Variants in MYO1B observed in about 807,000 individuals in gnomAD.
The protein encoded by MYO1B is unconventional myosin-Ib.
Under a neutral mutation model 159.7 loss-of-function variants are expected in MYO1B, and 72 were observed. The observed-to-expected ratio is 0.45, with a 90% CI of 0.37 to 0.55. MYO1B has a LOEUF of 0.55. MYO1B is among the 20% of genes least tolerant of loss of function. The probability of loss-of-function intolerance (pLI) is 0.00; values close to 1 mark genes in which losing one functional copy is unlikely to be tolerated. For synonymous variants in MYO1B, 468 were observed against 473.8 expected, an observed-to-expected ratio of 0.99 and a Z score of 0.16; for missense variants, 1,062 against 1,364.8, an observed-to-expected ratio of 0.78 and a Z score of 3.50.
intron 3 of MYO1B, among the ~76,000 whole-genome samples, chr2:191,299,137 G>A (rs1203380603): frequency 1.3e-5 from 2 of 151,292 alleles, no homozygotes; most frequent in Non-Finnish European, 3.0e-5. Context: ...GGTCATAGAA[G>A]TTCATGCTCC....
intron 1 of MYO1B, among the ~76,000 whole-genome samples, chr2:191,265,388 C>T (rs1363988276): frequency 6.6e-6 from 1 of 151,966 alleles, no homozygotes; most frequent in Non-Finnish European, 1.5e-5. Context: ...TTGCATGATC[C>T]GATCAGGCAT....
Position 191,423,281 on chromosome 2 carries a change from A to G in MYO1B, c.3288-556A>G, listed in dbSNP as rs538972067. Among the ~76,000 whole-genome samples, 9 of 152,354 alleles carry G rather than the reference A, an allele frequency of 5.9e-5. No homozygotes were observed. The East Asian group carries it at 9.6e-4, about 16-fold the overall frequency. On this transcript the variant is annotated intron_variant, in intron 30 of 30. Coordinates refer to ENST00000392318, the MANE Select transcript of MYO1B (RefSeq NM_001130158.3). ...AGCATGTTACTGTACTGCATACTGT[A>G]GGCAATTGTAACACAATGGTAAATA...
chr2:191,397,412 TTCAAGCA>T (rs1480506569), intron 21 of MYO1B, among the ~76,000 whole-genome samples: 1 of 150,718 alleles, frequency 6.6e-6, no homozygotes, highest in African/African-American at 2.4e-5. Flanking sequence ...GCATGCTGAC[TTCAAGCA>T]TCTGTTTAAC....
intron 2 of MYO1B, among the ~76,000 whole-genome samples, chr2:191,277,953 AAG>A (rs1218031738): frequency 1.3e-5 from 2 of 152,234 alleles, no homozygotes; most frequent in Non-Finnish European, 2.9e-5. Flanking sequence ...AAATAAATAA[AAG>A]AGATAATACA....
At chr2:191,345,132 A>G (rs1451469435) in intron 5 of MYO1B, among the ~76,000 whole-genome samples, 1 of 152,148 alleles carries the variant, frequency 6.6e-6, no homozygotes, top group Non-Finnish European at 1.5e-5. Context: ...CACATTATTC[A>G]TTCTAGCTGC....
intron 1 of MYO1B, among the ~76,000 whole-genome samples, chr2:191,268,725 A>G (rs1448121143): frequency 1.3e-5 from 2 of 152,158 alleles, no homozygotes; most frequent in East Asian, 3.9e-4. Flanking sequence ...GTTCACCCGC[A>G]TGATAGCTGT....
chr2:191,385,791 C>CT, intron 15 of MYO1B, 93 bp from the exon 16 acceptor site: 2 of 1,312,570 alleles, frequency 1.5e-6, no homozygotes, highest in Non-Finnish European at 2.1e-6. Context: ...TTTCTTGTGA[C>CT]TAAGTTGATT....
chr2:191,315,190 T>C (rs972022514), intron 3 of MYO1B, among the ~76,000 whole-genome samples: 16 of 142,008 alleles, frequency 1.1e-4, no homozygotes, highest in Admixed American at 5.0e-4. Flanking sequence ...CATCCATCCA[T>C]CCACCCATCC....
chr2:191,336,900 A>G (rs1426786546), intron 4 of MYO1B, among the ~76,000 whole-genome samples: 1 of 149,396 alleles, frequency 6.7e-6, no homozygotes, highest in Non-Finnish European at 1.5e-5. Context: ...AAAGAAGGAG[A>G]TAAATAAATG....
At chr2:191,277,073 T>G (rs1465795184) in intron 2 of MYO1B, 43 bp downstream of exon 2, 1 of 1,590,062 alleles carries the variant, frequency 6.3e-7, no homozygotes, top group East Asian at 2.2e-5. Flanking sequence ...AGACTTTGTA[T>G]TTTGTGCCAG....
At position 191,364,262 on chromosome 2, in the gene MYO1B, C is replaced by T; in HGVS notation, c.1018C>T (p.Leu340=). The T allele has an allele frequency of 2.5e-6, 4 of 1,612,814 alleles. No individual in the cohort carries two copies. The highest frequency in any genetic ancestry group is 3.4e-6 in the Non-Finnish European group (4 of 1,178,872). ...EAKQEKVSTT[L]NVAQAYYARD... ...CAAACAGGAGAAAGTTTCAACTACACTGAATGTGGCTCAGGTGGGTGAAAC... is the reference window on the plus strand; with the variant it reads ...CAAACAGGAGAAAGTTTCAACTACATTGAATGTGGCTCAGGTGGGTGAAAC... The change falls in exon 11 of 31, where the codon CTG becomes TTG. Residue 340 remains leucine (L), a synonymous_variant. Transcript: ENST00000392318.
At chr2:191,312,293 T>C (rs1690051352) in intron 3 of MYO1B, among the ~76,000 whole-genome samples, 1 of 152,220 alleles carries the variant, frequency 6.6e-6, no homozygotes, top group Admixed American at 6.5e-5. Flanking sequence ...CACTGTTTGC[T>C]TCATTTCTCC....
chr2:191,307,944 C>G (rs1252137461), intron 3 of MYO1B, among the ~76,000 whole-genome samples: 1 of 152,158 alleles, frequency 6.6e-6, no homozygotes, highest in East Asian at 1.9e-4. Flanking sequence ...GCATGTCAGT[C>G]TGTTCACCAA....
At chr2:191,387,847 C>T (rs1695486163) in intron 17 of MYO1B, 1 of 272,028 alleles carries the variant, frequency 3.7e-6, no homozygotes, top group South Asian at 4.5e-5. Flanking sequence ...GCTTAGAGCA[C>T]AGCATTGAAG....
intron 30 of MYO1B, among the ~76,000 whole-genome samples, chr2:191,418,364 T>C (rs1370972200): frequency 6.6e-6 from 1 of 152,114 alleles, no homozygotes; most frequent in Non-Finnish European, 1.5e-5. Context: ...CCTTCCTTGC[T>C]TTTTCCTTCC....
intron 2 of MYO1B, among the ~76,000 whole-genome samples, chr2:191,291,722 A>C (rs566935196): frequency 6.6e-6 from 1 of 152,204 alleles, no homozygotes; most frequent in South Asian, 2.1e-4. Context: ...ACCAACTGTA[A>C]ATAGTATGCA....
At chr2:191,392,955 C>CT (rs1695844207) in intron 19 of MYO1B, 118 bp from the exon 20 acceptor site, 3 of 858,688 alleles carry the variant, frequency 3.5e-6, no homozygotes, top group Non-Finnish European at 5.4e-6. Flanking sequence ...TTTTTCAGTT[C>CT]TTTTTTTCAA....
chr2:191,359,064 A>G (rs565924209), intron 7 of MYO1B, among the ~76,000 whole-genome samples: 71 of 152,342 alleles, frequency 4.7e-4, no homozygotes, highest in Middle Eastern at 6.8e-3. Flanking sequence ...TAGCTTTTCA[A>G]TGAAGAATCT....
chr2:191,301,162 C>G (rs774774498), intron 3 of MYO1B, among the ~76,000 whole-genome samples: 1 of 152,146 alleles, frequency 6.6e-6, no homozygotes, highest in Non-Finnish European at 1.5e-5. Context: ...GTGGCAGAGC[C>G]TATACCACCA....
Sources: gnomAD v4.1 joint callset for allele counts (sites outside exome capture counted in the v4.1 genomes callset) on GRCh38, gnomAD v4.1.1 for gene constraint, MANE v1.5 for transcripts, NCBI Gene and HGNC (gene_info 2026-07-23, HGNC 2026-07-21) for gene names.